DIAPH3: variants seen among roughly 807,000 people sequenced by gnomAD.
DIAPH3 encodes protein diaphanous homolog 3.
Under a neutral mutation model 144.3 loss-of-function variants are expected in DIAPH3, and 117 were observed. The observed-to-expected ratio is 0.81, with a 90% CI of 0.70 to 0.95. DIAPH3 has a LOEUF of 0.95. DIAPH3 is among the 40% of genes least tolerant of loss of function. DIAPH3 has a pLI of 0.00. For missense variants in DIAPH3, 1,421 were observed against 1,412.7 expected, an observed-to-expected ratio of 1.01 and a Z score of -0.09; for synonymous variants, 519 against 488.9, an observed-to-expected ratio of 1.06 and a Z score of -0.81.
chr13:59,939,213 C>T (rs1393391678), intron 17 of DIAPH3, among the ~76,000 whole-genome samples: 2 of 152,172 alleles, frequency 1.3e-5, no homozygotes, highest in Admixed American at 1.3e-4. Context: ...ATTCACTGCA[C>T]ACCTCAAACT....
intron 25 of DIAPH3, among the ~76,000 whole-genome samples, chr13:59,784,526 C>A (rs1158614752): frequency 6.6e-6 from 1 of 152,072 alleles, no homozygotes; most frequent in Non-Finnish European, 1.5e-5. Context: ...TAGGCATGTG[C>A]CACAATGCCT....
chr13:59,876,483 T>C (rs1054520295), intron 21 of DIAPH3, among the ~76,000 whole-genome samples: 1 of 152,204 alleles, frequency 6.6e-6, no homozygotes, highest in Non-Finnish European at 1.5e-5. Flanking sequence ...TTGTAAAAGA[T>C]TTAAAAATTA....
chr13:59,705,549 A>G (rs925644441), intron 27 of DIAPH3, among the ~76,000 whole-genome samples: 2 of 152,216 alleles, frequency 1.3e-5, no homozygotes, highest in African/African-American at 2.4e-5. Flanking sequence ...AGAAAACCAT[A>G]AAGTAAATGG....
chr13:59,821,465 T>C (rs2139638035), intron 24 of DIAPH3, among the ~76,000 whole-genome samples: 1 of 152,240 alleles, frequency 6.6e-6, no homozygotes, highest in Admixed American at 6.5e-5. Context: ...TTCTCATACA[T>C]ATTCCTGTAG....
At chr13:59,766,798 A>AAAAG (rs903667022) in intron 27 of DIAPH3, among the ~76,000 whole-genome samples, 14 of 151,846 alleles carry the variant, frequency 9.2e-5, no homozygotes, top group African/African-American at 3.4e-4. Context: ...CAAAAAAAAA[A>AAAAG]AAAGAAAGAA....
intron 27 of DIAPH3, among the ~76,000 whole-genome samples, chr13:59,747,958 T>C (rs920332988): frequency 1.3e-5 from 2 of 152,214 alleles, no homozygotes; most frequent in African/African-American, 4.8e-5. Context: ...GAGAATGCTA[T>C]GTCTTGGCCC....
intron 27 of DIAPH3, among the ~76,000 whole-genome samples, chr13:59,729,242 C>A (rs574477864): frequency 6.6e-6 from 1 of 152,232 alleles, no homozygotes; most frequent in South Asian, 2.1e-4. Context: ...ATCCTAGGTA[C>A]GTATCAGTCA....
At chr13:59,981,183 A>T (rs956394365) in intron 13 of DIAPH3, among the ~76,000 whole-genome samples, 2 of 151,398 alleles carry the variant, frequency 1.3e-5, no homozygotes, top group Non-Finnish European at 3.0e-5. Flanking sequence ...GATGTCTATA[A>T]ACAAGCTTAA....
chr13:59,855,808 C>T (rs552263259), intron 22 of DIAPH3, among the ~76,000 whole-genome samples: 3 of 151,298 alleles, frequency 2.0e-5, no homozygotes, highest in African/African-American at 7.3e-5. Context: ...CAGAGTGTTA[C>T]TAATGTTTAT....
chr13:59,759,127 G>C (rs961049569), intron 27 of DIAPH3, among the ~76,000 whole-genome samples: 1 of 151,892 alleles, frequency 6.6e-6, no homozygotes, highest in Non-Finnish European at 1.5e-5. Context: ...TTGAAATAGT[G>C]CTTGGCATTT....
intron 4 of DIAPH3, among the ~76,000 whole-genome samples, chr13:60,090,010 A>C (rs2057879105): frequency 6.6e-6 from 1 of 152,196 alleles, no homozygotes; most frequent in Non-Finnish European, 1.5e-5. Context: ...GTCTAGGGGC[A>C]GGAATGCATT....
At position 59,992,561 on chromosome 13, in the gene DIAPH3, T is replaced by C; in HGVS notation, c.1037A>G (p.Asn346Ser). ...QLQVACMQLI[N>S]ALVTSPDDLD... ...ATCATCAGGAGATGTAACCAGGGCA[T>C]TGATGAGCTGCATACAAGCTACCTA... Residue 346 changes from asparagine to serine, a missense_variant, in exon 10 of 28, where the codon AAT becomes AGT. Physicochemically the swap from Asn to Ser is conservative, Grantham distance 46. Transcript: ENST00000400324. The C allele has an allele frequency of 6.2e-7, 1 of 1,612,076 alleles. No individual in the cohort carries two copies. The highest frequency in any genetic ancestry group is 8.5e-7 in the Non-Finnish European group (1 of 1,179,024).
chr13:60,021,356 G>A (rs780387066), intron 5 of DIAPH3, among the ~76,000 whole-genome samples: 17 of 152,228 alleles, frequency 1.1e-4, no homozygotes, highest in Non-Finnish European at 2.5e-4. Flanking sequence ...TGGGCACCCT[G>A]GCTCACGCCT....
intron 27 of DIAPH3, among the ~76,000 whole-genome samples, chr13:59,701,596 T>C (rs1459602007): frequency 2.0e-5 from 3 of 152,186 alleles, no homozygotes; most frequent in Non-Finnish European, 4.4e-5. Flanking sequence ...CTGAAGAAAA[T>C]TATTTCTGAA....
At chr13:59,954,273 T>C (rs7491843) in intron 17 of DIAPH3, among the ~76,000 whole-genome samples, 11,717 of 152,304 alleles carry the variant, frequency 0.077, 760 homozygotes, top group East Asian at 0.39. Context: ...AAGCCTAAAT[T>C]ACAAATGTGA....
At chr13:59,779,020 T>A (rs2038581112) in intron 25 of DIAPH3, among the ~76,000 whole-genome samples, 1 of 152,224 alleles carries the variant, frequency 6.6e-6, no homozygotes, top group African/African-American at 2.4e-5. Flanking sequence ...GTATTTCCAA[T>A]TGTATCTCTT....
At chr13:60,040,251 A>AAAAAAAG (rs1555363112) in intron 5 of DIAPH3, among the ~76,000 whole-genome samples, 3 of 145,496 alleles carry the variant, frequency 2.1e-5, no homozygotes, top group African/African-American at 8.2e-5. Context: ...AAAAAAAAAA[A>AAAAAAAG]GGATCTTCTC....
At chr13:59,894,609 A>G (rs1486835650) in intron 20 of DIAPH3, among the ~76,000 whole-genome samples, 1 of 131,738 alleles carries the variant, frequency 7.6e-6, no homozygotes, top group Non-Finnish European at 1.6e-5. Flanking sequence ...ATAGAATGAG[A>G]ATAGAACAGA....
intron 24 of DIAPH3, chr13:59,832,823 T>C (rs943492824): frequency 4.8e-5 from 16 of 335,326 alleles, no homozygotes; most frequent in Non-Finnish European, 2.8e-5. Flanking sequence ...CAAAAACTTA[T>C]TACAGAAGTG....
Sources: gnomAD v4.1 joint callset for allele counts (sites outside exome capture counted in the v4.1 genomes callset) on GRCh38, gnomAD v4.1.1 for gene constraint, MANE v1.5 for transcripts, NCBI Gene and HGNC (gene_info 2026-07-23, HGNC 2026-07-21) for gene names.